Variants in KCNIP4 observed in about 807,000 individuals in gnomAD.
The protein encoded by KCNIP4 is Kv channel-interacting protein 4.
KCNIP4 carries 12 observed loss-of-function variants against 34.0 expected under a neutral mutation model. The observed-to-expected ratio is 0.35, with a 90% confidence interval of 0.23 to 0.57. The LOEUF (loss-of-function observed/expected upper bound fraction) is 0.57. Ranked by LOEUF, KCNIP4 falls within the 20% of genes least tolerant of loss-of-function variation. The pLI, the probability that KCNIP4 is intolerant of heterozygous loss-of-function variation, is 0.83. For synonymous variants in KCNIP4, 124 were observed against 102.2 expected (o/e 1.21, Z -1.29); for missense variants, 238 against 311.7 (o/e 0.76, Z 1.78).
chr4:21,121,542 A>G (rs899532817), intron 1 of KCNIP4, among the ~76,000 whole-genome samples: 1 of 152,238 alleles, frequency 6.6e-6, no homozygotes, highest in African/African-American at 2.4e-5. Flanking sequence ...GGAAGGCAGC[A>G]TCTTGTAATG....
In KCNIP4 at chr4:21,093,633, G is replaced by A. The variant is rs527958406; in HGVS notation, c.62-210924C>T. ...TTATAAATCTAATTTCTATTTCTTA[G>A]AGATACCGAGTTACAGATACTATAT... is the stretch of plus-strand genomic sequence containing the variant. On this transcript the variant is annotated intron_variant, in intron 1 of 8. Transcript: ENST00000382152. Among the ~76,000 whole-genome samples the A allele has an allele frequency of 1.7e-4, 26 of 152,238 alleles. No individual in the cohort carries two copies. In the South Asian group the frequency reaches 5.4e-3, roughly 32 times the overall value.
chr4:20,851,957 G>T (rs570599572), intron 2 of KCNIP4, among the ~76,000 whole-genome samples: 1 of 152,304 alleles, frequency 6.6e-6, no homozygotes, highest in African/African-American at 2.4e-5. Flanking sequence ...TGAGGCTGCA[G>T]TGAGCAGTGA....
chr4:21,841,446 G>A lies in KCNIP4; in HGVS notation c.61+107125C>T, dbSNP rs991635898. Among the ~76,000 whole-genome samples, 4 of 152,234 alleles carry A rather than the reference G, an allele frequency of 2.6e-5. No homozygotes were observed. The East Asian group carries it at 7.7e-4, about 29-fold the overall frequency. On this transcript the variant is annotated intron_variant, in intron 1 of 8. Coordinates refer to ENST00000382152, the MANE Select transcript of KCNIP4 (RefSeq NM_025221.6). The stretch of plus-strand genomic sequence containing the variant: ...ATTTATCATGAGAATGTTCATCCTT[G>A]TGTTGAAAAAGAATGTGACTTCCAA...
At chr4:21,712,060 C>A (rs1256175325) in intron 1 of KCNIP4, among the ~76,000 whole-genome samples, 1 of 152,128 alleles carries the variant, frequency 6.6e-6, no homozygotes, top group Non-Finnish European at 1.5e-5. Context: ...GCCTTCCCTA[C>A]AGTCCAAAAA....
chr4:20,971,476 A>G (rs562780678), intron 1 of KCNIP4, among the ~76,000 whole-genome samples: 1 of 144,864 alleles, frequency 6.9e-6, no homozygotes, highest in South Asian at 2.2e-4. Flanking sequence ...CAAGCAAACC[A>G]TACTTTTTTT....
At chr4:21,333,816 A>G (rs932929607) in intron 1 of KCNIP4, among the ~76,000 whole-genome samples, 1 of 152,188 alleles carries the variant, frequency 6.6e-6, no homozygotes, top group Non-Finnish European at 1.5e-5. Context: ...TTAAAAGGAA[A>G]GAATGGATGC....
chr4:20,978,432 A>G (rs1285405120), intron 1 of KCNIP4, among the ~76,000 whole-genome samples: 2 of 152,224 alleles, frequency 1.3e-5, no homozygotes, highest in Non-Finnish European at 2.9e-5. Context: ...CTATTTACCA[A>G]GCACTGTGCT....
chr4:21,780,500 G>A (rs1273290422), intron 1 of KCNIP4, among the ~76,000 whole-genome samples: 2 of 152,040 alleles, frequency 1.3e-5, no homozygotes, highest in Non-Finnish European at 2.9e-5. Context: ...GATGGTTTCA[G>A]GACTAGAGGA....
chr4:21,040,028 G>A (rs1741815689), intron 1 of KCNIP4, among the ~76,000 whole-genome samples: 1 of 152,130 alleles, frequency 6.6e-6, no homozygotes, highest in Non-Finnish European at 1.5e-5. Flanking sequence ...GAGTGCGTGT[G>A]TGAAGGAGGA....
intron 1 of KCNIP4, among the ~76,000 whole-genome samples, chr4:21,025,919 C>T (rs1740522714): frequency 6.6e-6 from 1 of 152,036 alleles, no homozygotes; most frequent in South Asian, 2.1e-4. Flanking sequence ...TTTCAGTATG[C>T]CAGGCCTAGA....
intron 1 of KCNIP4, among the ~76,000 whole-genome samples, chr4:21,569,962 G>A (rs1240681960): frequency 6.6e-6 from 1 of 152,018 alleles, no homozygotes; most frequent in Non-Finnish European, 1.5e-5. Context: ...GGGAGAATGG[G>A]GGTGGGCTAT....
At chr4:21,370,363 T>C (rs917578264) in intron 1 of KCNIP4, among the ~76,000 whole-genome samples, 1 of 146,836 alleles carries the variant, frequency 6.8e-6, no homozygotes. Flanking sequence ...GGATCTTTCC[T>C]AGGTACTGAA....
At chr4:21,231,910 T>A (rs2109022261) in intron 1 of KCNIP4, among the ~76,000 whole-genome samples, 1 of 152,266 alleles carries the variant, frequency 6.6e-6, no homozygotes, top group South Asian at 2.1e-4. Flanking sequence ...GTGGTCAATG[T>A]CAAGACATAG....
chr4:21,139,875 T>G (rs1447797876), intron 1 of KCNIP4, among the ~76,000 whole-genome samples: 1 of 152,150 alleles, frequency 6.6e-6, no homozygotes, highest in African/African-American at 2.4e-5. Flanking sequence ...AAAACACAAG[T>G]GTAGAAAGGT....
At chr4:20,783,600 AGCTCCCACTGGGTC>A (rs1322390337) in intron 3 of KCNIP4, among the ~76,000 whole-genome samples, 1 of 152,180 alleles carries the variant, frequency 6.6e-6, no homozygotes, top group Non-Finnish European at 1.5e-5. Flanking sequence ...TATTTAAATT[AGCTCCCACTGGGTC>A]GCTCCCACAA....
At chr4:21,032,988 C>G (rs911653651) in intron 1 of KCNIP4, among the ~76,000 whole-genome samples, 3 of 152,042 alleles carry the variant, frequency 2.0e-5, no homozygotes, top group Non-Finnish European at 2.9e-5. Flanking sequence ...CTTTTCTCCT[C>G]TCTCCTCTTT....
At chr4:21,871,095 C>A (rs1725767765) in intron 1 of KCNIP4, among the ~76,000 whole-genome samples, 1 of 151,444 alleles carries the variant, frequency 6.6e-6, no homozygotes, top group African/African-American at 2.4e-5. Flanking sequence ...GCATGTCCTT[C>A]AAGAGCCCAG....
intron 1 of KCNIP4, among the ~76,000 whole-genome samples, chr4:21,699,956 G>C (rs1712701715): frequency 1.3e-5 from 2 of 152,184 alleles, no homozygotes; most frequent in Admixed American, 1.3e-4. Context: ...TGGAAATACA[G>C]GTAGTCAGTT....
chr4:20,742,138 G>T (rs534480231), intron 5 of KCNIP4, among the ~76,000 whole-genome samples: 4 of 152,168 alleles, frequency 2.6e-5, no homozygotes, highest in Non-Finnish European at 1.5e-5. Flanking sequence ...TTCTACCAGA[G>T]GTACAAAGAG....
Sources: gnomAD v4.1 joint callset for allele counts (sites outside exome capture counted in the v4.1 genomes callset) on GRCh38, gnomAD v4.1.1 for gene constraint, MANE v1.5 for transcripts, NCBI Gene and HGNC (gene_info 2026-07-23, HGNC 2026-07-21) for gene names.